The following ATRNL1 variants were observed in gnomAD, a reference collection of about 807,000 sequenced individuals.
ATRNL1 encodes attractin-like protein 1.
ATRNL1 carries 95 observed loss-of-function variants against 182.7 expected under a neutral mutation model. The observed-to-expected ratio is 0.52, with a 90% CI of 0.44 to 0.62. ATRNL1 has a LOEUF of 0.62. Ranked by LOEUF, ATRNL1 falls within the 20% of genes least tolerant of loss-of-function variation. ATRNL1 has a pLI of 0.00. For synonymous variants in ATRNL1, 576 were observed against 568.3 expected, an observed-to-expected ratio of 1.01 and a Z score of -0.19; for missense variants, 1,471 against 1,679.5, an observed-to-expected ratio of 0.88 and a Z score of 2.17.
chr10:115,750,799 G>A (rs1318519231), intron 27 of ATRNL1, among the ~76,000 whole-genome samples: 17 of 151,946 alleles, frequency 1.1e-4, no homozygotes, highest in Admixed American at 1.1e-3. Context: ...AAATGGGCAA[G>A]AGACATCCAA....
chr10:115,734,060 C>G (rs939190917), intron 27 of ATRNL1, among the ~76,000 whole-genome samples: 2 of 151,988 alleles, frequency 1.3e-5, no homozygotes, highest in African/African-American at 2.4e-5. Flanking sequence ...TTCAAAAATA[C>G]ATTTTAATTA....
At chr10:115,279,739 G>A (rs183853397) in intron 13 of ATRNL1, among the ~76,000 whole-genome samples, 4 of 152,228 alleles carry the variant, frequency 2.6e-5, no homozygotes, top group Admixed American at 1.3e-4. Context: ...TTATTCTATA[G>A]TTAAATTAAG....
At chr10:115,860,133 T>A (rs1232041496) in intron 28 of ATRNL1, among the ~76,000 whole-genome samples, 1 of 152,166 alleles carries the variant, frequency 6.6e-6, no homozygotes, top group African/African-American at 2.4e-5. Flanking sequence ...TCCACAGGAC[T>A]TCAGGGAGGT....
chr10:115,842,134 CA>C (rs1950824330), intron 27 of ATRNL1, among the ~76,000 whole-genome samples: 1 of 150,566 alleles, frequency 6.6e-6, no homozygotes. Flanking sequence ...ACTCATATAT[CA>C]GATTAGGATT....
At chr10:115,615,713 T>C (rs1565215497) in intron 26 of ATRNL1, among the ~76,000 whole-genome samples, 1 of 152,164 alleles carries the variant, frequency 6.6e-6, no homozygotes, top group Non-Finnish European at 1.5e-5. Context: ...CTCCTCGCTA[T>C]CTTTCTTCCC....
At chr10:115,464,647 A>G (rs1554970440) in intron 22 of ATRNL1, among the ~76,000 whole-genome samples, 1 of 151,984 alleles carries the variant, frequency 6.6e-6, no homozygotes, top group Non-Finnish European at 1.5e-5. Flanking sequence ...GGTTTTTTAA[A>G]TATCAATTGG....
intron 19 of ATRNL1, among the ~76,000 whole-genome samples, chr10:115,381,966 C>T (rs1858039774): frequency 6.6e-6 from 1 of 152,040 alleles, no homozygotes; most frequent in Non-Finnish European, 1.5e-5. Context: ...GTTCTTCCCC[C>T]ATTTACTTAT....
chr10:115,274,145 G>A (rs1851997511), intron 13 of ATRNL1, among the ~76,000 whole-genome samples: 1 of 152,198 alleles, frequency 6.6e-6, no homozygotes. Flanking sequence ...GCTCCAAACA[G>A]CATCCTGTCT....
intron 25 of ATRNL1, among the ~76,000 whole-genome samples, chr10:115,534,062 G>A (rs1851790891): frequency 6.6e-6 from 1 of 151,794 alleles, no homozygotes. Context: ...GTGTGGTGCT[G>A]AAAAAAATGT....
intron 15 of ATRNL1, among the ~76,000 whole-genome samples, chr10:115,294,904 G>A (rs1853101505): frequency 6.6e-6 from 1 of 152,220 alleles, no homozygotes; most frequent in Non-Finnish European, 1.5e-5. Flanking sequence ...TAGCAGTGGT[G>A]ATGTGGCTTT....
intron 9 of ATRNL1, among the ~76,000 whole-genome samples, chr10:115,234,439 C>T: frequency 6.6e-6 from 1 of 151,734 alleles, no homozygotes; most frequent in Non-Finnish European, 1.5e-5. Flanking sequence ...AATATATTTA[C>T]TAAAAAACAA....
chr10:115,518,242 T>A (rs186310901), intron 24 of ATRNL1, among the ~76,000 whole-genome samples: 32 of 152,040 alleles, frequency 2.1e-4, no homozygotes, highest in Admixed American at 2.0e-3. Flanking sequence ...TGCCTGAAAT[T>A]GGTTGTTTCA....
intron 8 of ATRNL1, among the ~76,000 whole-genome samples, chr10:115,208,840 TTTA>T (rs1290329840): frequency 6.6e-6 from 1 of 152,020 alleles, no homozygotes; most frequent in African/African-American, 2.4e-5. Context: ...CTTTCTTTTT[TTTA>T]TTATTATACT....
chr10:115,297,884 T>C (rs1244090762), intron 15 of ATRNL1, among the ~76,000 whole-genome samples: 1 of 152,154 alleles, frequency 6.6e-6, no homozygotes, highest in Non-Finnish European at 1.5e-5. Context: ...TCAAGATTGT[T>C]ATGTTAGTGT....
chr10:115,106,638 GAGTA>G (rs1233706115), intron 1 of ATRNL1, among the ~76,000 whole-genome samples: 1 of 152,164 alleles, frequency 6.6e-6, no homozygotes, highest in African/African-American at 2.4e-5. Context: ...TCGTGATAGT[GAGTA>G]AGTCTCAACA....
rs575412171 is a variant in ATRNL1 at position 115,669,032 on chromosome 10, T to C, written c.3796-58216T>C. ...GTAGAAGGAAGAGAGCTTTCCATCTTTAATTTACCTAAAGTGGTTTTCCAA... is the reference window on the plus strand; with the variant it reads ...GTAGAAGGAAGAGAGCTTTCCATCTCTAATTTACCTAAAGTGGTTTTCCAA... On this transcript the variant is annotated intron_variant, in intron 26 of 28. Transcript: ENST00000355044. Among the ~76,000 whole-genome samples the C allele has an allele frequency of 1.6e-3, 238 of 152,256 alleles. 1 individual carries two copies. Among genetic ancestry groups the C allele is most frequent in the African/African-American group, 5.5e-3 (229 of 41,570 alleles).
intron 1 of ATRNL1, among the ~76,000 whole-genome samples, chr10:115,109,299 A>G (rs1266071008): frequency 6.6e-6 from 1 of 152,222 alleles, no homozygotes; most frequent in Non-Finnish European, 1.5e-5. Flanking sequence ...CTGCTATAAC[A>G]GAATACTTGA....
At chr10:115,903,766 G>A (rs1952421477) in intron 28 of ATRNL1, among the ~76,000 whole-genome samples, 2 of 151,922 alleles carry the variant, frequency 1.3e-5, no homozygotes, top group Admixed American at 6.6e-5. Context: ...TACTTCCTAT[G>A]TTGTGAAGTG....
chr10:115,338,830 A>G (rs1033262279), intron 19 of ATRNL1, among the ~76,000 whole-genome samples: 1 of 152,124 alleles, frequency 6.6e-6, no homozygotes, highest in Non-Finnish European at 1.5e-5. Context: ...ATTTTTCCCC[A>G]ATGTTTTGTT....
Sources: gnomAD v4.1 joint callset for allele counts (sites outside exome capture counted in the v4.1 genomes callset) on GRCh38, gnomAD v4.1.1 for gene constraint, MANE v1.5 for transcripts, NCBI Gene and HGNC (gene_info 2026-07-23, HGNC 2026-07-21) for gene names.